Variants in DLG5 observed in about 807,000 individuals in gnomAD.
DLG5 encodes the protein discs large MAGUK scaffold protein 5.
In DLG5, 48 loss-of-function variants were observed where a neutral mutation model predicts 189.8. The ratio of observed to expected loss-of-function variants is 0.25; its 90% CI spans 0.20 to 0.32. The LOEUF (loss-of-function observed/expected upper bound fraction) is 0.32, where lower values mean the gene tolerates loss of function less well. Among genes scored for constraint, DLG5 ranks in the 10% least tolerant of loss-of-function variants. DLG5 has a pLI of 1.00. For synonymous variants in DLG5, 1,016 were observed against 1,054.1 expected, an observed-to-expected ratio of 0.96 and a Z score of 0.70; for missense variants, 2,160 against 2,544.7, an observed-to-expected ratio of 0.85 and a Z score of 3.25.
chr10:77,906,716 C>T (rs1208096167), intron 1 of DLG5, among the ~76,000 whole-genome samples: 1 of 151,496 alleles, frequency 6.6e-6, no homozygotes, highest in East Asian at 1.9e-4. Context: ...CATCCACCTC[C>T]CCAGTTCAAG....
In DLG5 at chr10:77,843,711, A is replaced by T; in HGVS notation, c.865-5T>A. 6.2e-7 allele frequency: 1 copy of T among 1,613,986 alleles called. No individual in the cohort carries two copies. Among genetic ancestry groups the T allele is most frequent in the Non-Finnish European group, 8.5e-7 (1 of 1,179,960 alleles). On this transcript the variant is annotated splice_region_variant and splice_polypyrimidine_tract_variant and intron_variant, in intron 5 of 31. Transcript: ENST00000372391. ...TGACCCGTTGTGCTTCAACACCTGG[A>T]GACCAGACAGTTTCACTTACCAAGG... is the stretch of plus-strand genomic sequence containing the variant.
At chr10:77,797,165 T>G (rs959399668) in intron 27 of DLG5, among the ~76,000 whole-genome samples, 1 of 152,194 alleles carries the variant, frequency 6.6e-6, no homozygotes, top group Admixed American at 6.5e-5. Flanking sequence ...CAACCACAGC[T>G]CAGACTTGTA....
rs1379608857 is a variant in DLG5, at chr10:77,790,956, C to G, written c.*1484G>C. ...TAACTTAGAAAACAGCCCCTACCCC[C>G]AGAGGGTCTGCGAGTTAATACCTTG... is the stretch of plus-strand genomic sequence containing the variant. On this transcript the variant is annotated 3_prime_UTR_variant, in exon 32 of 32. Transcript: ENST00000372391. 1 of 152,298 alleles carries G rather than the reference C, an allele frequency of 6.6e-6. No individual in the cohort carries two copies. Among genetic ancestry groups the G allele is most frequent in the African/African-American group, 2.4e-5 (1 of 41,464 alleles). 9.4% of individuals were successfully genotyped at this position (152,298 alleles called of 1,614,324 possible).
At chr10:77,847,072 C>T (rs555333584) in intron 5 of DLG5, among the ~76,000 whole-genome samples, 1 of 152,252 alleles carries the variant, frequency 6.6e-6, no homozygotes, top group African/African-American at 2.4e-5. Flanking sequence ...TGTGACAATC[C>T]AGGGATGATT....
chr10:77,918,154 T>C (rs1846423879), intron 1 of DLG5, among the ~76,000 whole-genome samples: 1 of 152,124 alleles, frequency 6.6e-6, no homozygotes, highest in Admixed American at 6.5e-5. Flanking sequence ...CTCACGCCTG[T>C]AATCCCAGCA....
At position 77,821,967 on chromosome 10, in the gene DLG5, A is replaced by C. The variant is rs1489553503; in HGVS notation, c.2517T>G (p.Asn839Lys). Residue 839 changes from asparagine (N) to lysine (K), a missense_variant, in exon 15 of 32, where the codon AAT becomes AAG. Physicochemically the swap from Asn to Lys is moderately conservative, Grantham distance 94 (BLOSUM62 0). Transcript: ENST00000372391. ...AGAAGATGTCTGTCTGCGTGGAGTT[A>C]TTGTGCTGTATCAAGTTCCGTTTGT... ...AHNKRNLIQHNNSTQTDIFYT... is the reference protein window; with the variant it reads ...AHNKRNLIQHKNSTQTDIFYT... 6.2e-7 allele frequency: 1 copy of C among 1,614,184 alleles called. No individual in the cohort carries two copies. The highest frequency in any genetic ancestry group is 8.5e-7 in the Non-Finnish European group (1 of 1,180,038).
intron 7 of DLG5, among the ~76,000 whole-genome samples, chr10:77,838,599 G>A (rs953693361): frequency 3.9e-5 from 6 of 152,228 alleles, no homozygotes; most frequent in African/African-American, 1.2e-4. Flanking sequence ...AGAGGGCATA[G>A]AGAAGGAAAG....
At position 77,796,487 on chromosome 10, in the gene DLG5, T is replaced by A; in HGVS notation, c.5272A>T (p.Asn1758Tyr). The A allele has an allele frequency of 6.2e-7, 1 of 1,614,160 alleles. No individual in the cohort carries two copies. The highest frequency in any genetic ancestry group is 8.5e-7 in the Non-Finnish European group (1 of 1,180,042). Reference protein sequence around the residue: ...LLDVVKEMLVNEAPGKFCRCP... With the variant: ...LLDVVKEMLVYEAPGKFCRCP... ...CTGCAGAACTTGCCAGGAGCCTCAT[T>A]CACCAGCATCTCCTTCACCACGTCC... The change falls in exon 28 of 32, where the codon AAT (asparagine) becomes TAT (tyrosine). Residue 1758 changes from asparagine (N) to tyrosine (Y), a missense_variant. Physicochemically the swap from Asn to Tyr is moderately radical, Grantham distance 143. This residue lies in a region of DLG5 where 574 missense variants were observed against 644.2 expected (regional missense o/e 0.89). Transcript: ENST00000372391. This position sits in a 1 kb window ranked among gnomAD's most constrained non-coding sequence, Gnocchi z 5.2.
At chr10:77,802,564 CAGAGTT>C (rs1841262565) in intron 27 of DLG5, among the ~76,000 whole-genome samples, 1 of 152,198 alleles carries the variant, frequency 6.6e-6, no homozygotes, top group Non-Finnish European at 1.5e-5. Flanking sequence ...CAGACTGAGT[CAGAGTT>C]AAAGTATCTG....
In DLG5 at chr10:77,828,904, G is replaced by A. The variant is rs770373578; in HGVS notation, c.2267C>T (p.Ala756Val). 65 of 1,614,078 alleles carry A rather than the reference G, an allele frequency of 4.0e-5. No homozygotes were observed. In the South Asian group the frequency reaches 6.0e-4, roughly 15 times the overall value. ...TACCGCAACGATCCTGTCTCCCACA[G>A]CAAGGGACCCTTCTTTAGCGGCAGG... is the stretch of plus-strand genomic sequence containing the variant. ...GSPAAKEGSL[A>V]VGDRIVAING... Residue 756 changes from alanine (A) to valine (V), a missense_variant, in exon 13 of 32, where the codon GCT (alanine) becomes GTT (valine). Coordinates refer to ENST00000372391, the MANE Select transcript of DLG5 (RefSeq NM_004747.4).
At chr10:77,916,647 G>T (rs1846365441) in intron 1 of DLG5, among the ~76,000 whole-genome samples, 1 of 152,104 alleles carries the variant, frequency 6.6e-6, no homozygotes, top group Non-Finnish European at 1.5e-5. Context: ...CCCCATGTCA[G>T]GGTGCTGTGA....
intron 1 of DLG5, among the ~76,000 whole-genome samples, chr10:77,890,460 C>CATA (rs1027596213): frequency 6.6e-6 from 1 of 152,196 alleles, no homozygotes; most frequent in Admixed American, 6.5e-5. Flanking sequence ...GGGCAAGGTA[C>CATA]ATAATACCTC....
chr10:77,902,949 C>A lies in DLG5; in HGVS notation c.304+23268G>T, dbSNP rs151223841. Reference sequence around the variant, plus strand: ...TCATTCTGGGCGACAGAGCGAGACTCCGTCTCAAAAAATAAATAAATAAAT... The same window carrying A: ...TCATTCTGGGCGACAGAGCGAGACTACGTCTCAAAAAATAAATAAATAAAT... On this transcript the variant is annotated intron_variant, in intron 1 of 31. Transcript: ENST00000372391. Among the ~76,000 whole-genome samples, 546 of 152,008 alleles carry A rather than the reference C, an allele frequency of 3.6e-3. 2 individuals carry two copies. Among genetic ancestry groups the A allele is most frequent in the Admixed American group, 5.8e-3 (88 of 15,256 alleles).
intron 26 of DLG5, 40 bp downstream of exon 26, chr10:77,806,718 A>ACGGCCCC: frequency 1.5e-6 from 2 of 1,333,652 alleles, no homozygotes; most frequent in Non-Finnish European, 2.1e-6. Flanking sequence ...GCCCTCGGCG[A>ACGGCCCC]CCCCTGCCCC....
At chr10:77,822,151 T>C (rs1568152768) in intron 14 of DLG5, 50 bp from the exon 15 acceptor site, 3 of 1,559,340 alleles carry the variant, frequency 1.9e-6, no homozygotes, top group African/African-American at 1.4e-5. Flanking sequence ...TGGCAGGACT[T>C]GGAGCTGCCA....
intron 1 of DLG5, among the ~76,000 whole-genome samples, chr10:77,915,348 C>T (rs1012294029): frequency 2.6e-5 from 4 of 151,706 alleles, no homozygotes; most frequent in South Asian, 2.1e-4. Context: ...AAAATAGGAA[C>T]GTTTAGTGTT....
At chr10:77,916,026 G>A (rs1220260166) in intron 1 of DLG5, among the ~76,000 whole-genome samples, 1 of 152,012 alleles carries the variant, frequency 6.6e-6, no homozygotes, top group African/African-American at 2.4e-5. Context: ...AGACCAGCCT[G>A]GGCAATATAG....
intron 24 of DLG5, among the ~76,000 whole-genome samples, chr10:77,808,906 C>T (rs1156828711): frequency 6.9e-6 from 1 of 144,370 alleles, no homozygotes; most frequent in African/African-American, 2.6e-5. Flanking sequence ...ACCAGCCTGG[C>T]CAACATGATG....
chr10:77,842,236 G>T (rs1191472995), intron 6 of DLG5, 43 bp from the exon 7 acceptor site: 1 of 1,572,870 alleles, frequency 6.4e-7, no homozygotes, highest in Non-Finnish European at 8.6e-7. Context: ...CGGGGGCCCT[G>T]CCCGGTCAGT....
Sources: allele counts gnomAD v4.1 joint callset (sites outside exome capture counted in the v4.1 genomes callset), GRCh38; gene constraint gnomAD v4.1.1; regional missense constraint gnomAD v4.1.1; non-coding constraint Gnocchi (gnomAD v3.1); transcripts MANE v1.5; gene names NCBI Gene and HGNC (gene_info 2026-07-23, HGNC 2026-07-21).